FRYL: variants seen among roughly 807,000 people sequenced by gnomAD.
FRYL encodes protein furry homolog-like.
In FRYL, 150 loss-of-function variants were observed where a neutral mutation model predicts 351.2. The observed-to-expected ratio is 0.43, with a 90% CI of 0.37 to 0.49. The LOEUF (loss-of-function observed/expected upper bound fraction) is 0.49, where lower values mean the gene tolerates loss of function less well. FRYL is among the 20% of genes least tolerant of loss of function. The pLI is 0.00. For synonymous variants in FRYL, 1,153 were observed against 1,257.1 expected (o/e 0.92, Z 1.75); for missense variants, 3,036 against 3,619.3 (o/e 0.84, Z 4.13).
At position 48,550,012 on chromosome 4, in the gene FRYL, AC is replaced by A. The variant is rs1269736531; in HGVS notation, c.4634-390del. Among the ~76,000 whole-genome samples, 4 of 152,160 alleles carry A rather than the reference AC, an allele frequency of 2.6e-5. No individual in the cohort carries two copies. In the East Asian group the frequency reaches 5.8e-4, roughly 22 times the overall value. On this transcript the variant is annotated intron_variant, in intron 38 of 63. Transcript: ENST00000358350. ...CCAACACAGCTCCATCTTGAAAGGA[AC>A]TCTGCTCTACCACAGTGGGGCTGCG...
intron 11 of FRYL, 135 bp from the exon 12 acceptor site, chr4:48,603,523 G>A (rs1746107495): frequency 1.6e-6 from 1 of 640,348 alleles, no homozygotes; most frequent in Non-Finnish European, 2.8e-6. Context: ...ACTACAATGT[G>A]CCAAGTGACC....
intron 11 of FRYL, among the ~76,000 whole-genome samples, chr4:48,605,184 C>A (rs1339314697): frequency 6.6e-6 from 1 of 152,000 alleles, no homozygotes; most frequent in African/African-American, 2.4e-5. Context: ...TTTGTGTGTC[C>A]CCATTTTTAA....
Position 48,535,812 on chromosome 4 carries a change from TTTC to T in FRYL, c.6406_6408del (p.Glu2136del), listed in dbSNP as rs1264816849. ...GCCAGATTGACAAGTGTTGGGCATT[TTTC>T]TTCTGCACAAACCTAGAAAACAAAT... On this transcript the variant is annotated inframe_deletion, in exon 48 of 64. Transcript: ENST00000358350. 12 of 1,541,912 alleles carry T rather than the reference TTTC, an allele frequency of 7.8e-6. No homozygotes were observed. The highest frequency in any genetic ancestry group is 1.1e-5 in the Non-Finnish European group (12 of 1,141,078).
At chr4:48,740,183 GAA>G (rs1411570828) in intron 1 of FRYL, among the ~76,000 whole-genome samples, 1 of 147,784 alleles carries the variant, frequency 6.8e-6, no homozygotes, top group South Asian at 2.2e-4. Context: ...AGACTGAAAA[GAA>G]AAGTCACAGA....
chr4:48,621,553 T>C (rs1360306837), intron 5 of FRYL, among the ~76,000 whole-genome samples: 10 of 152,214 alleles, frequency 6.6e-5, no homozygotes, highest in Admixed American at 6.5e-4. Flanking sequence ...AATTTCTGTA[T>C]GTGATTCAAC....
chr4:48,553,521 G>A (rs1414361081), intron 35 of FRYL, 138 bp from the exon 36 acceptor site: 1 of 613,488 alleles, frequency 1.6e-6, no homozygotes, highest in African/African-American at 1.8e-5. Context: ...AATTAGCACT[G>A]ATCAACAATA....
At chr4:48,505,428 G>A in intron 60 of FRYL, 119 bp downstream of exon 60, 1 of 663,654 alleles carries the variant, frequency 1.5e-6, no homozygotes, top group Non-Finnish European at 2.7e-6. Flanking sequence ...TAACCAAAAT[G>A]AAAAGTTTTA....
At chr4:48,724,421 TACTAC>T (rs1769849546) in intron 1 of FRYL, among the ~76,000 whole-genome samples, 1 of 152,134 alleles carries the variant, frequency 6.6e-6, no homozygotes, top group African/African-American at 2.4e-5. Context: ...TCATTGCAAA[TACTAC>T]CCTCCAAAGA....
At chr4:48,528,532 G>C (rs948435227) in intron 50 of FRYL, among the ~76,000 whole-genome samples, 196 bp from the exon 51 acceptor site, 2 of 151,924 alleles carry the variant, frequency 1.3e-5, no homozygotes, top group African/African-American at 2.4e-5. Context: ...AGACTTTATT[G>C]GAAATAATAA....
At chr4:48,582,829 CTTAG>C in intron 19 of FRYL, 95 bp from the exon 20 acceptor site, 1 of 812,728 alleles carries the variant, frequency 1.2e-6, no homozygotes, top group South Asian at 1.6e-5. Flanking sequence ...TAAATGTCCT[CTTAG>C]TTGTTTTGTA....
chr4:48,556,983 G>T lies in FRYL; in HGVS notation c.4261C>A (p.Pro1421Thr). The T allele has an allele frequency of 1.3e-6, 2 of 1,582,470 alleles. No homozygotes were observed. Among genetic ancestry groups the T allele is most frequent in the South Asian group, 1.2e-5 (1 of 86,764 alleles). Residue 1421 changes from proline to threonine, a missense_variant, in exon 35 of 64, where the codon CCT (proline) becomes ACT (threonine). Around this residue, in one of 7 missense-constraint regions of FRYL, gnomAD observed 1,987 missense variants for 2,311.7 expected, o/e 0.86. Coordinates refer to ENST00000358350, the MANE Select transcript of FRYL (RefSeq NM_015030.2). The part of the protein sequence containing the change: ...CGVNSEPSLL[P>T]YVKKVIVYLG... Reference sequence around the variant, plus strand: ...AAATGAACTTGAATACATACGTAAGGCAAGAGGCTTGGTTCGCTATTCACC... The same window carrying T: ...AAATGAACTTGAATACATACGTAAGTCAAGAGGCTTGGTTCGCTATTCACC...
intron 2 of FRYL, among the ~76,000 whole-genome samples, chr4:48,700,192 A>G (rs559046299): frequency 1.1e-4 from 17 of 152,332 alleles, no homozygotes; most frequent in African/African-American, 4.1e-4. Context: ...GTACAAATGC[A>G]GTTATTACAG....
At chr4:48,644,535 G>A (rs1755998600) in intron 3 of FRYL, among the ~76,000 whole-genome samples, 2 of 148,482 alleles carry the variant, frequency 1.3e-5, no homozygotes. Flanking sequence ...TGCATTCCAG[G>A]GTAAGAATTC....
chr4:48,667,978 T>G (rs1321260466), intron 3 of FRYL, among the ~76,000 whole-genome samples: 1 of 152,180 alleles, frequency 6.6e-6, no homozygotes, highest in Admixed American at 6.5e-5. Context: ...CCCAGGTAAG[T>G]TACTTGTATG....
Position 48,595,726 on chromosome 4 carries a change from G to T in FRYL, c.1140-28C>A, listed in dbSNP as rs1483693846. 15 of 1,468,758 alleles carry T rather than the reference G, an allele frequency of 1.0e-5. 1 individual carries two copies. Among genetic ancestry groups the T allele is most frequent in the Middle Eastern group, 3.5e-4 (2 of 5,746 alleles). 91.0% of individuals were successfully genotyped at this position (1,468,758 alleles called of 1,614,324 possible). The stretch of plus-strand genomic sequence containing the variant: ...ACAGGGAAAAAGATCTAGTCATAGT[G>T]AGATCATAACATCAACAGCATATTA... On this transcript the variant is annotated intron_variant, in intron 14 of 63. Coordinates refer to ENST00000358350, the MANE Select transcript of FRYL (RefSeq NM_015030.2).
intron 35 of FRYL, among the ~76,000 whole-genome samples, chr4:48,555,263 C>T (rs1439158238): frequency 6.6e-6 from 1 of 152,164 alleles, no homozygotes; most frequent in Admixed American, 6.5e-5. Context: ...TTAATGGGCA[C>T]CTTCTATGTG....
At chr4:48,713,634 A>G (rs576854736) in intron 1 of FRYL, among the ~76,000 whole-genome samples, 2 of 152,156 alleles carry the variant, frequency 1.3e-5, no homozygotes, top group African/African-American at 2.4e-5. Flanking sequence ...GTCCTGAGTG[A>G]CCTACAAAGA....
At chr4:48,582,003 T>G (rs1246369312) in intron 20 of FRYL, among the ~76,000 whole-genome samples, 2 of 152,338 alleles carry the variant, frequency 1.3e-5, no homozygotes, top group South Asian at 4.1e-4. Context: ...TTGATTTGCA[T>G]GCTCATTAAA....
At chr4:48,716,713 G>A (rs547859472) in intron 1 of FRYL, among the ~76,000 whole-genome samples, 1 of 151,648 alleles carries the variant, frequency 6.6e-6, no homozygotes, top group South Asian at 2.1e-4. Flanking sequence ...AGTCAGTGTG[G>A]CGATTTCTCA....
Sources: gnomAD v4.1 joint callset for allele counts (sites outside exome capture counted in the v4.1 genomes callset) on GRCh38, gnomAD v4.1.1 for gene constraint, gnomAD v4.1.1 regional missense constraint, MANE v1.5 for transcripts, NCBI Gene and HGNC (gene_info 2026-07-23, HGNC 2026-07-21) for gene names.